The following MRTFA variants were observed in gnomAD, a reference collection of about 807,000 sequenced individuals.
The protein encoded by MRTFA is myocardin related transcription factor A, also known as myocardin-related transcription factor A.
Under a neutral mutation model 83.5 loss-of-function variants are expected in MRTFA, and 20 were observed. That is an observed-to-expected ratio of 0.24 (90% confidence interval 0.17 to 0.35). MRTFA has a LOEUF of 0.35. Among genes scored for constraint, MRTFA ranks in the 10% least tolerant of loss-of-function variants. The pLI is 1.00. For missense variants in MRTFA, 1,200 were observed against 1,224.7 expected (o/e 0.98, Z 0.30); for synonymous variants, 659 against 541.2 (o/e 1.22, Z -3.02).
intron 3 of MRTFA, among the ~76,000 whole-genome samples, chr22:40,520,730 A>T (rs992289484): frequency 1.3e-5 from 2 of 152,234 alleles, no homozygotes; most frequent in African/African-American, 4.8e-5. Flanking sequence ...TTTATAACAT[A>T]TATCAACAGT....
At chr22:40,505,455 G>A (rs1363616788) in intron 3 of MRTFA, among the ~76,000 whole-genome samples, 2 of 152,188 alleles carry the variant, frequency 1.3e-5, no homozygotes, top group African/African-American at 4.8e-5. Flanking sequence ...ATTGCTATTG[G>A]AGTTAAATGA....
rs1489124904 is a variant in MRTFA, at chr22:40,552,248, G to A, written c.99C>T (p.Leu33=). The change falls in exon 3 of 15, where the codon CTC becomes CTT. Residue 33 remains leucine, a synonymous_variant. Coordinates refer to ENST00000355630, the MANE Select transcript of MRTFA (RefSeq NM_020831.6). ...GACTGGGTGCCGCAGATAAGGACAC[G>A]AGCACTGGTTCATCATCATTTTCGC... 7.5e-6 allele frequency: 3 copies of A among 398,900 alleles called. No homozygotes were observed. Among genetic ancestry groups the A allele is most frequent in the South Asian group, 1.3e-4 (1 of 7,846 alleles). 24.7% of individuals were successfully genotyped at this position (398,900 alleles called of 1,614,324 possible). A position where few individuals can be genotyped will look rare whatever the true frequency, so the allele number is the denominator to read the frequency against.
chr22:40,480,277 T>A (rs1259082397), intron 3 of MRTFA, among the ~76,000 whole-genome samples: 4 of 151,588 alleles, frequency 2.6e-5, no homozygotes, highest in Non-Finnish European at 5.9e-5. Context: ...TATGTTTATT[T>A]TTTTTTTTTT....
At chr22:40,473,109 T>A (rs986935263) in intron 3 of MRTFA, among the ~76,000 whole-genome samples, 3 of 152,132 alleles carry the variant, frequency 2.0e-5, no homozygotes, top group Non-Finnish European at 4.4e-5. Flanking sequence ...ATGCAGTATC[T>A]TCTAAGTTCT....
At chr22:40,564,467 C>T (rs1005474839) in intron 2 of MRTFA, among the ~76,000 whole-genome samples, 26 of 152,100 alleles carry the variant, frequency 1.7e-4, no homozygotes, top group Admixed American at 1.1e-3. Context: ...TCAAACCTGA[C>T]TCAGTTGATA....
intron 1 of MRTFA, among the ~76,000 whole-genome samples, chr22:40,612,267 A>T (rs2056395403): frequency 6.6e-6 from 1 of 152,220 alleles, no homozygotes; most frequent in African/African-American, 2.4e-5. Context: ...AACCAAAAAA[A>T]ATTAACTCTC....
At chr22:40,508,939 A>G (rs2054625344) in intron 3 of MRTFA, among the ~76,000 whole-genome samples, 1 of 152,208 alleles carries the variant, frequency 6.6e-6, no homozygotes, top group African/African-American at 2.4e-5. Flanking sequence ...CAACAGCTCA[A>G]CCCTCAAACA....
At chr22:40,481,293 C>T (rs780135698) in intron 3 of MRTFA, among the ~76,000 whole-genome samples, 2 of 152,126 alleles carry the variant, frequency 1.3e-5, no homozygotes, top group African/African-American at 2.4e-5. Flanking sequence ...TTCCTGCATT[C>T]GGCCACAGGT....
intron 3 of MRTFA, among the ~76,000 whole-genome samples, chr22:40,530,925 A>C (rs1432608970): frequency 6.6e-6 from 1 of 152,246 alleles, no homozygotes; most frequent in African/African-American, 2.4e-5. Flanking sequence ...AAAGTATGAC[A>C]ATCCAAATTT....
At chr22:40,591,532 C>T (rs1280620798) in intron 2 of MRTFA, among the ~76,000 whole-genome samples, 4 of 152,126 alleles carry the variant, frequency 2.6e-5, no homozygotes, top group African/African-American at 7.2e-5. Context: ...ATAAAATGTG[C>T]GCCTTACTTC....
At chr22:40,476,164 G>A (rs903342689) in intron 3 of MRTFA, among the ~76,000 whole-genome samples, 2 of 151,308 alleles carry the variant, frequency 1.3e-5, no homozygotes, top group Admixed American at 6.6e-5. Flanking sequence ...AAGGGGGGGG[G>A]TCTTGAAAGT....
intron 2 of MRTFA, chr22:40,569,393 G>T: frequency 5.2e-6 from 1 of 193,720 alleles, no homozygotes; most frequent in South Asian, 1.2e-4. Context: ...GAAATACCTG[G>T]ACCTCCACCA....
rs746103537 is a variant in MRTFA, at chr22:40,418,530, G to A, written c.2208C>T (p.Pro736=). The change falls in exon 12 of 15, where the codon CCC becomes CCT. Residue 736 remains proline (P), a synonymous_variant. Transcript: ENST00000355630. ...GAGGCCCCAGAAGCAACTGGGGGGC[G>A]GGGACCGGCTCGGGCTCAGGCTGCA... 2.1e-5 allele frequency: 33 copies of A among 1,587,462 alleles called. No homozygotes were observed. The Middle Eastern group carries it at 5.1e-4, about 24-fold the overall frequency.
intron 4 of MRTFA, among the ~76,000 whole-genome samples, chr22:40,452,244 C>T (rs1242431007): frequency 2.0e-5 from 3 of 152,034 alleles, no homozygotes; most frequent in East Asian, 1.9e-4. Flanking sequence ...TCGGCCTCCC[C>T]AAGTGCTGGG....
In MRTFA at chr22:40,431,654, C is replaced by T. The variant is rs541842191; in HGVS notation, c.364-174G>A. 2.6e-5 allele frequency among the ~76,000 whole-genome samples: 4 copies of T among 152,146 alleles called. No homozygotes were observed. In the East Asian group the frequency reaches 5.8e-4, roughly 22 times the overall value. ...CAAGAGTAGGCCTGGGGAGAGCACACCAAAATCCAACTGCACCTGCCAAGG... is the reference window on the plus strand; with the variant it reads ...CAAGAGTAGGCCTGGGGAGAGCACATCAAAATCCAACTGCACCTGCCAAGG... On this transcript the variant is annotated intron_variant, in intron 5 of 14. Coordinates refer to ENST00000355630, the MANE Select transcript of MRTFA (RefSeq NM_020831.6).
At chr22:40,462,465 C>T (rs1232789875) in intron 4 of MRTFA, among the ~76,000 whole-genome samples, 1 of 152,182 alleles carries the variant, frequency 6.6e-6, no homozygotes, top group African/African-American at 2.4e-5. Context: ...TTTTGACTTA[C>T]AGTGTATCCA....
intron 1 of MRTFA, among the ~76,000 whole-genome samples, chr22:40,625,596 G>A (rs879580811): frequency 1.3e-5 from 2 of 152,072 alleles, no homozygotes; most frequent in Non-Finnish European, 2.9e-5. Flanking sequence ...TGGCCAATAT[G>A]GTGAAACCCT....
At chr22:40,419,565 T>C (rs1474799143) in intron 11 of MRTFA, among the ~76,000 whole-genome samples, 181 bp from the exon 12 acceptor site, 1 of 152,182 alleles carries the variant, frequency 6.6e-6, no homozygotes, top group Admixed American at 6.5e-5. Flanking sequence ...TCTCTTTCAT[T>C]GTTCTCACTC....
intron 3 of MRTFA, among the ~76,000 whole-genome samples, chr22:40,514,186 G>A (rs896226839): frequency 6.6e-6 from 1 of 151,898 alleles, no homozygotes; most frequent in Non-Finnish European, 1.5e-5. Flanking sequence ...TTGAACCCAG[G>A]TTGGCAGTGA....
Sources: allele counts gnomAD v4.1 joint callset (sites outside exome capture counted in the v4.1 genomes callset), GRCh38; gene constraint gnomAD v4.1.1; transcripts MANE v1.5; gene names NCBI Gene and HGNC (gene_info 2026-07-23, HGNC 2026-07-21).